Variants in SERPINB11 observed in about 807,000 individuals in gnomAD.
SERPINB11 encodes the protein serpin family B member 11.
In SERPINB11, 32 loss-of-function variants were observed where a neutral mutation model predicts 36.7. The observed-to-expected ratio is 0.87, with a 90% CI of 0.66 to 1.17. The LOEUF (loss-of-function observed/expected upper bound fraction) is 1.17. Ranked by LOEUF, SERPINB11 falls within the 50% of genes most tolerant of loss-of-function variation. SERPINB11 has a pLI of 0.00. For synonymous variants in SERPINB11, 174 were observed against 168.1 expected (o/e 1.04, Z -0.27); for missense variants, 528 against 458.4 (o/e 1.15, Z -1.39).
Position 63,711,350 on chromosome 18 carries a change from C to G in SERPINB11, c.184C>G (p.His62Asp), listed in dbSNP as rs368180689. The change falls in exon 3 of 8, where the codon CAT becomes GAT. Residue 62 changes from histidine to aspartate, a missense_variant. Coordinates refer to ENST00000544088, the MANE Select transcript of SERPINB11 (RefSeq NM_001370475.1). ...EQLEKVLHFS[H>D]TVDSLKPGFK... ...TCTTTTCTAGGTGCTTCATTTTAGT[C>G]ATACTGTAGACTCATTAAAACCAGG... 2.5e-6 allele frequency: 4 copies of G among 1,610,178 alleles called. No individual in the cohort carries two copies. The East Asian group carries it at 8.9e-5, about 36-fold the overall frequency.
intron 7 of SERPINB11, 92 bp from the exon 8 acceptor site, chr18:63,722,903 C>A: frequency 7.7e-7 from 1 of 1,293,598 alleles, no homozygotes; most frequent in Non-Finnish European, 1.0e-6. Flanking sequence ...TGAAGTTGAA[C>A]CACTCACACT....
In SERPINB11 at chr18:63,720,846, G is replaced by A. The variant is rs542549713; in HGVS notation, c.634G>A (p.Val212Met). 14 of 1,555,302 alleles carry A rather than the reference G, an allele frequency of 9.0e-6. No individual in the cohort carries two copies. In the Admixed American group the frequency reaches 2.7e-4, roughly 30 times the overall value. Reference protein sequence around the residue: ...FQLSEGKNVTVEMMYQIGTFK... With the variant: ...FQLSEGKNVTMEMMYQIGTFK... Reference sequence around the variant, plus strand: ...TTCTTAACAGGGTAAAAATGTAACTGTGGAAATGATGTATCAAATTGGAAC... The same window carrying A: ...TTCTTAACAGGGTAAAAATGTAACTATGGAAATGATGTATCAAATTGGAAC... Residue 212 changes from valine (V) to methionine (M), a missense_variant, in exon 7 of 8, where the codon GTG (valine) becomes ATG (methionine). Val to Met is a conservative substitution (Grantham distance 21). Coordinates refer to ENST00000544088, the MANE Select transcript of SERPINB11 (RefSeq NM_001370475.1).
rs371845440 is a variant in SERPINB11 at position 63,723,279 on chromosome 18, C to T, written c.1059C>T (p.Ser353=). Residue 353 remains serine, a synonymous_variant, in exon 8 of 8, where the codon AGC becomes AGT. Transcript: ENST00000544088. ...AGGCAGCAGCAGCCACTGGGGACAG[C>T]ATCGCTGTAAAAAGCCTACCAATGA... The part of the protein sequence containing the change: ...GTEAAAATGD[S]IAVKSLPMRA... 1.9e-6 allele frequency: 3 copies of T among 1,613,862 alleles called. No individual in the cohort carries two copies. Among genetic ancestry groups the T allele is most frequent in the Middle Eastern group, 1.6e-4 (1 of 6,084 alleles).
At chr18:63,713,198 A>C (rs567943130) in intron 4 of SERPINB11, among the ~76,000 whole-genome samples, 1 of 152,184 alleles carries the variant, frequency 6.6e-6, no homozygotes, top group African/African-American at 2.4e-5. Flanking sequence ...CTTTCCCAAC[A>C]CCATGGTCCT....
chr18:63,714,471 G>A (rs897783002), intron 4 of SERPINB11, among the ~76,000 whole-genome samples: 1 of 152,128 alleles, frequency 6.6e-6, no homozygotes, highest in Non-Finnish European at 1.5e-5. Context: ...AGGCCTGGGA[G>A]TGCTACGGGA....
chr18:63,723,243 A>G lies in SERPINB11; in HGVS notation c.1023A>G (p.Glu341=). 1 of 1,613,968 alleles carries G rather than the reference A, an allele frequency of 6.2e-7. No individual in the cohort carries two copies. The highest frequency in any genetic ancestry group is 8.5e-7 in the Non-Finnish European group (1 of 1,179,874). Residue 341 remains glutamate, a synonymous_variant, in exon 8 of 8, where the codon GAA becomes GAG. Coordinates refer to ENST00000544088, the MANE Select transcript of SERPINB11 (RefSeq NM_001370475.1). ...ACAAGTCATACCTGGATGTCAGCGA[A>G]GAGGGCACGGAGGCAGCAGCAGCCA... ...AIHKSYLDVS[E]EGTEAAAATG...
In SERPINB11 at chr18:63,723,184, C is replaced by A; in HGVS notation, c.964C>A (p.Pro322Thr). Residue 322 changes from proline to threonine, a missense_variant, in exon 8 of 8, where the codon CCA becomes ACA. Transcript: ENST00000544088. Reference sequence around the variant, plus strand: ...CAAAGCTGATCTTTCTGGAATGTCACCAACCAAGGGCCTATATTTATCAAA... The same window carrying A: ...CAAAGCTGATCTTTCTGGAATGTCAACAACCAAGGGCCTATATTTATCAAA... The part of the protein sequence containing the change: ...QVKADLSGMS[P>T]TKGLYLSKAI... 6.2e-7 allele frequency: 1 copy of A among 1,613,272 alleles called. No individual in the cohort carries two copies. The highest frequency in any genetic ancestry group is 8.5e-7 in the Non-Finnish European group (1 of 1,179,562).
chr18:63,707,227 G>A (rs944945308), intron 1 of SERPINB11, among the ~76,000 whole-genome samples: 2 of 152,224 alleles, frequency 1.3e-5, no homozygotes, highest in East Asian at 1.9e-4. Flanking sequence ...TGAAAGGGAA[G>A]GGCTGAATGG....
chr18:63,703,135 T>A (rs924663002), intron 1 of SERPINB11, 129 bp downstream of exon 1: 1 of 152,336 alleles, frequency 6.6e-6, no homozygotes, highest in Admixed American at 6.5e-5. Context: ...ACTTATTATT[T>A]AATTGAGTAT....
At chr18:63,720,367 G>A (rs897842764) in intron 6 of SERPINB11, 1 of 536,926 alleles carries the variant, frequency 1.9e-6, no homozygotes, top group African/African-American at 1.9e-5. Flanking sequence ...GGGATACTAA[G>A]ATTCTCTGGC....
chr18:63,710,306 C>T lies in SERPINB11; in HGVS notation c.113C>T (p.Ala38Val), dbSNP rs373536131. Reference sequence around the variant, plus strand: ...TTTTCTTCGCTGAGTCTGCTTTATGCTCTAAGCATGGTCCTCCTTGGTGCC... The same window carrying T: ...TTTTCTTCGCTGAGTCTGCTTTATGTTCTAAGCATGGTCCTCCTTGGTGCC... ...IFFSSLSLLY[A>V]LSMVLLGARG... Residue 38 changes from alanine (A) to valine (V), a missense_variant, in exon 2 of 8, where the codon GCT (alanine) becomes GTT (valine). Physicochemically the swap from Ala to Val is moderately conservative, Grantham distance 64. Coordinates refer to ENST00000544088, the MANE Select transcript of SERPINB11 (RefSeq NM_001370475.1). 15 of 1,613,658 alleles carry T rather than the reference C, an allele frequency of 9.3e-6. No homozygotes were observed. Among genetic ancestry groups the T allele is most frequent in the Middle Eastern group, 1.6e-4 (1 of 6,084 alleles).
intron 1 of SERPINB11, among the ~76,000 whole-genome samples, chr18:63,706,888 A>G (rs1193065528): frequency 2.6e-5 from 4 of 152,152 alleles, no homozygotes; most frequent in African/African-American, 2.4e-5. Flanking sequence ...TAGACTAGCT[A>G]CCTCACGGAC....
chr18:63,712,714 G>A, intron 4 of SERPINB11, 21 bp downstream of exon 4: 1 of 1,604,574 alleles, frequency 6.2e-7, no homozygotes, highest in South Asian at 1.1e-5. Context: ...TTGGAAGAGT[G>A]ATCAACAACT....
At chr18:63,715,075 C>T (rs111634066) in intron 4 of SERPINB11, among the ~76,000 whole-genome samples, 12,283 of 152,208 alleles carry the variant, frequency 0.081, 646 homozygotes, top group Middle Eastern at 0.14. Context: ...TCCCTCCGTT[C>T]GGGGTCCCTG....
intron 5 of SERPINB11, among the ~76,000 whole-genome samples, chr18:63,717,739 A>G (rs1044027996): frequency 1.1e-4 from 16 of 151,728 alleles, no homozygotes; most frequent in African/African-American, 3.9e-4. Flanking sequence ...CACATACTGG[A>G]TACCTACGTT....
At chr18:63,715,938 T>A in intron 4 of SERPINB11, 97 bp from the exon 5 acceptor site, 1 of 673,278 alleles carries the variant, frequency 1.5e-6, no homozygotes, top group Non-Finnish European at 2.5e-6. Context: ...GAACTGCTTT[T>A]TTCTCTGCAT....
At position 63,719,730 on chromosome 18, in the gene SERPINB11, T is replaced by A. The variant is rs371052005; in HGVS notation, c.476-283T>A. ...TAAATAAGCAGTGATGTATAAGAAA[T>A]TACTCGATGTAACTAGGCATAAGAC... On this transcript the variant is annotated intron_variant, in intron 5 of 7. Coordinates refer to ENST00000544088, the MANE Select transcript of SERPINB11 (RefSeq NM_001370475.1). 4.5e-4 allele frequency among the ~76,000 whole-genome samples: 69 copies of A among 152,164 alleles called. No individual in the cohort carries two copies. The East Asian group carries it at 9.1e-3, about 20-fold the overall frequency.
At position 63,712,709 on chromosome 18, in the gene SERPINB11, A is replaced by G. The variant is rs747429666; in HGVS notation, c.357+16A>G. 6.2e-7 allele frequency: 1 copy of G among 1,607,640 alleles called. No individual in the cohort carries two copies. Among genetic ancestry groups the G allele is most frequent in the Non-Finnish European group, 8.5e-7 (1 of 1,176,216 alleles). ...ATTTCATCAGGTAAGTCCATTTGGA[A>G]GAGTGATCAACAACTTTCTTGGCGT... On this transcript the variant is annotated intron_variant, in intron 4 of 7. Coordinates refer to ENST00000544088, the MANE Select transcript of SERPINB11 (RefSeq NM_001370475.1).
At chr18:63,720,628 TC>T (rs1914785399) in intron 6 of SERPINB11, 1 of 507,460 alleles carries the variant, frequency 2.0e-6, no homozygotes, top group Non-Finnish European at 3.4e-6. Context: ...TTAGAACAAT[TC>T]AGTCTCTAAC....
Sources: gnomAD v4.1 joint callset for allele counts (sites outside exome capture counted in the v4.1 genomes callset) on GRCh38, gnomAD v4.1.1 for gene constraint, MANE v1.5 for transcripts, NCBI Gene and HGNC (gene_info 2026-07-23, HGNC 2026-07-21) for gene names.